The following USP7 variants were observed in gnomAD, a reference collection of about 807,000 sequenced individuals.
USP7 encodes the protein ubiquitin C-terminal hydrolase 7.
In USP7, 9 loss-of-function variants were observed where a neutral mutation model predicts 162.9. The observed-to-expected ratio is 0.06, with a 90% confidence interval of 0.03 to 0.10. The LOEUF is 0.10. Ranked by LOEUF, USP7 falls within the 10% of genes least tolerant of loss-of-function variation. USP7 has a pLI of 1.00. For missense variants in USP7, 715 were observed against 1,373.7 expected, an observed-to-expected ratio of 0.52 and a Z score of 7.58; for synonymous variants, 562 against 475.9, an observed-to-expected ratio of 1.18 and a Z score of -2.35.
chr16:8,917,296 A>G, intron 6 of USP7, 140 bp from the exon 7 acceptor site: 2 of 1,005,710 alleles, frequency 2.0e-6, no homozygotes, highest in South Asian at 2.2e-5. Context: ...GCTTTTAACG[A>G]TCCCCAAATT....
intron 11 of USP7, among the ~76,000 whole-genome samples, chr16:8,909,397 G>C (rs911501958): frequency 6.6e-6 from 1 of 152,160 alleles, no homozygotes; most frequent in African/African-American, 2.4e-5. Context: ...GCTCATTTAA[G>C]AGGACAGAGC....
chr16:8,951,510 G>A (rs1219778837), intron 1 of USP7, among the ~76,000 whole-genome samples: 1 of 152,178 alleles, frequency 6.6e-6, no homozygotes, highest in African/African-American at 2.4e-5. Context: ...GATGAGCTCT[G>A]CAGGCTTGGA....
intron 2 of USP7, among the ~76,000 whole-genome samples, chr16:8,926,100 G>C (rs1897971950): frequency 6.6e-6 from 1 of 151,054 alleles, no homozygotes. Flanking sequence ...CTTGCAGTGA[G>C]CTGAGATCGC....
chr16:8,935,150 G>C (rs1044268298), intron 1 of USP7, among the ~76,000 whole-genome samples: 2 of 151,196 alleles, frequency 1.3e-5, no homozygotes, highest in Non-Finnish European at 2.9e-5. Flanking sequence ...CTTTTCGGAA[G>C]TTTTTAAGAC....
intron 1 of USP7, among the ~76,000 whole-genome samples, chr16:8,940,198 C>G (rs926768325): frequency 6.6e-6 from 1 of 152,186 alleles, no homozygotes; most frequent in African/African-American, 2.4e-5. Flanking sequence ...CATCCTGCTG[C>G]CTATCTACGC....
intron 1 of USP7, among the ~76,000 whole-genome samples, chr16:8,946,996 G>A (rs761166778): frequency 2.6e-5 from 4 of 152,196 alleles, no homozygotes; most frequent in African/African-American, 9.7e-5. Flanking sequence ...GGGGCGGGGT[G>A]AATTAACCTT....
At chr16:8,905,392 G>A in intron 13 of USP7, 61 bp from the exon 14 acceptor site, 2 of 1,591,070 alleles carry the variant, frequency 1.3e-6, no homozygotes, top group Non-Finnish European at 1.7e-6. Context: ...CCCAACACTA[G>A]AAGGCAGCGT....
rs3826203 is a variant in USP7 at position 8,911,174 on chromosome 16, A to G, written c.1079-347T>C. On this transcript the variant is annotated intron_variant, in intron 10 of 30. Transcript: ENST00000344836. ...CAACCCCTTGGTCTCAAAAGCAGAG[A>G]TGCACAAATGTGAATGGCTGGCTGA... is the stretch of plus-strand genomic sequence containing the variant. Among the ~76,000 whole-genome samples, 250 of 152,350 alleles carry G rather than the reference A, an allele frequency of 1.6e-3. 6 individuals are homozygous for G. In the East Asian group the frequency reaches 0.038, roughly 23 times the overall value.
At chr16:8,898,067 A>G (rs1218357143) in intron 25 of USP7, among the ~76,000 whole-genome samples, 2 of 152,088 alleles carry the variant, frequency 1.3e-5, no homozygotes, top group African/African-American at 4.8e-5. Context: ...GAAGAGCTGG[A>G]GAAGGATCCT....
chr16:8,961,291 G>C (rs955358865), intron 1 of USP7, among the ~76,000 whole-genome samples: 4 of 151,944 alleles, frequency 2.6e-5, no homozygotes, highest in Non-Finnish European at 5.9e-5. Flanking sequence ...TCGGGAGTTC[G>C]AGACCAGCCT....
chr16:8,907,839 A>G (rs1402743780), intron 12 of USP7, among the ~76,000 whole-genome samples: 1 of 152,214 alleles, frequency 6.6e-6, no homozygotes, highest in Non-Finnish European at 1.5e-5. Flanking sequence ...CAAAGTAAAT[A>G]AAAATAAAAT....
intron 1 of USP7, among the ~76,000 whole-genome samples, chr16:8,949,079 G>C (rs1003108427): frequency 6.6e-6 from 1 of 152,196 alleles, no homozygotes. Context: ...AAATGTGCTC[G>C]AATTGAATGC....
At chr16:8,903,728 G>A (rs2061814482) in intron 15 of USP7, among the ~76,000 whole-genome samples, 4 of 152,060 alleles carry the variant, frequency 2.6e-5, no homozygotes, top group Non-Finnish European at 4.4e-5. Flanking sequence ...TTAGCTGGGT[G>A]TGGTGGCACA....
chr16:8,948,129 TA>T (rs1899370607), intron 1 of USP7, among the ~76,000 whole-genome samples: 1 of 152,206 alleles, frequency 6.6e-6, no homozygotes, highest in Admixed American at 6.5e-5. Context: ...CTGTGGCCTG[TA>T]AAATCCCACT....
At chr16:8,939,886 T>C (rs1898955585) in intron 1 of USP7, among the ~76,000 whole-genome samples, 1 of 152,254 alleles carries the variant, frequency 6.6e-6, no homozygotes, top group Non-Finnish European at 1.5e-5. Flanking sequence ...GATCACGAGG[T>C]CAGGAGATTG....
intron 1 of USP7, among the ~76,000 whole-genome samples, chr16:8,938,206 T>C (rs1248164296): frequency 6.6e-6 from 1 of 152,082 alleles, no homozygotes; most frequent in Non-Finnish European, 1.5e-5. Flanking sequence ...CTTTTAAATA[T>C]GGATATTCCC....
At position 8,911,894 on chromosome 16, in the gene USP7, C is replaced by A. The variant is rs922155924; in HGVS notation, c.1079-1067G>T. 3.9e-5 allele frequency among the ~76,000 whole-genome samples: 6 copies of A among 152,326 alleles called. No individual in the cohort carries two copies. The East Asian group carries it at 7.7e-4, about 20-fold the overall frequency. The stretch of plus-strand genomic sequence containing the variant: ...AACAACCTTCAGAGCTCACGACAGG[C>A]TGGGAAGTCTGTGTTCCCACCAGCC... On this transcript the variant is annotated intron_variant, in intron 10 of 30. Transcript: ENST00000344836.
chr16:8,950,200 G>C (rs1328048869), intron 1 of USP7, among the ~76,000 whole-genome samples: 1 of 152,122 alleles, frequency 6.6e-6, no homozygotes, highest in East Asian at 1.9e-4. Flanking sequence ...ACCACATGTG[G>C]CTAGTGGCTG....
Position 8,906,449 on chromosome 16 carries a change from G to C in USP7, c.1405C>G (p.Leu469Val). Reference protein sequence around the residue: ...DNHGGHYVVYLNPKGDGKWCK... With the variant: ...DNHGGHYVVYVNPKGDGKWCK... ...ACTTTGCCATCCCCTTTGGGGTTTA[G>C]ATAAACCACATAATGTCCACCATGA... The change falls in exon 13 of 31, where the codon CTA becomes GTA. Residue 469 changes from leucine (L) to valine (V), a missense_variant. By Grantham distance (32) the Leu-to-Val change is conservative. This residue lies in a region of USP7 where 31 missense variants were observed against 135.9 expected (regional missense o/e 0.23). Transcript: ENST00000344836. The C allele has an allele frequency of 6.2e-7, 1 of 1,612,276 alleles. No homozygotes were observed. The highest frequency in any genetic ancestry group is 8.5e-7 in the Non-Finnish European group (1 of 1,180,008).
Sources: gnomAD v4.1 joint callset for allele counts (sites outside exome capture counted in the v4.1 genomes callset) on GRCh38, gnomAD v4.1.1 for gene constraint, gnomAD v4.1.1 regional missense constraint, MANE v1.5 for transcripts, NCBI Gene and HGNC (gene_info 2026-07-23, HGNC 2026-07-21) for gene names.